The following CAPN6 variants were observed in gnomAD, a reference collection of about 807,000 sequenced individuals.
The protein encoded by CAPN6 is calpain-6.
Under a neutral mutation model 46.0 loss-of-function variants are expected in CAPN6, and 16 were observed. That is an observed-to-expected ratio of 0.35 (90% confidence interval 0.24 to 0.53). The LOEUF (loss-of-function observed/expected upper bound fraction) is 0.53, where lower values mean the gene tolerates loss of function less well. Among genes scored for constraint, CAPN6 ranks in the 20% least tolerant of loss-of-function variants. CAPN6 has a pLI of 0.94. For synonymous variants in CAPN6, 206 were observed against 172.8 expected, an observed-to-expected ratio of 1.19 and a Z score of -1.51; for missense variants, 461 against 498.0, an observed-to-expected ratio of 0.93 and a Z score of 0.71.
At chrX:111,255,652 G>T (rs921011982) in intron 2 of CAPN6, among the ~76,000 whole-genome samples, 1 of 111,752 alleles carries the variant, frequency 8.9e-6, no homozygotes, top group African/African-American at 3.3e-5. Context: ...TTTTTTTAAT[G>T]GCCATAATTC....
Position 111,246,646 on chromosome X carries a change from T to A in CAPN6, c.1857A>T (p.Pro619=). 8.3e-7 allele frequency: 1 copy of A among 1,211,075 alleles called. No homozygotes were observed. Residue 619 remains proline, a synonymous_variant, in exon 13 of 13, where the codon CCA becomes CCT. Transcript: ENST00000324068. ...TGTGGCCTTGCTTGACTTTGGCAGTTGGACCACCCTTCTTACGCAGGTACA... is the reference window on the plus strand; with the variant it reads ...TGTGGCCTTGCTTGACTTTGGCAGTAGGACCACCCTTCTTACGCAGGTACA... The part of the protein sequence containing the change: ...KSLYLRKKGG[P]TAKVKQGHIS...
intron 2 of CAPN6, among the ~76,000 whole-genome samples, chrX:111,258,808 C>A (rs1373973942): frequency 2.7e-5 from 3 of 111,835 alleles, no homozygotes; most frequent in Non-Finnish European, 5.6e-5. Flanking sequence ...GCACAGATCC[C>A]GAACTGCTTT....
chrX:111,268,887 C>T (rs1016036483), intron 1 of CAPN6, among the ~76,000 whole-genome samples: 2 of 112,238 alleles, frequency 1.8e-5, no homozygotes, highest in Middle Eastern at 4.6e-3. Context: ...GACCTCCCAA[C>T]GTTTTTTTTT....
At chrX:111,262,360 T>C (rs1310351866) in intron 2 of CAPN6, among the ~76,000 whole-genome samples, 1 of 112,358 alleles carries the variant, frequency 8.9e-6, no homozygotes, top group Non-Finnish European at 1.9e-5. Flanking sequence ...GTAACCAGTG[T>C]ATCTTGACAC....
chrX:111,247,820 G>C, intron 11 of CAPN6, 51 bp downstream of exon 11: 1 of 1,169,621 alleles, frequency 8.5e-7, no homozygotes. Context: ...TAACTTATGT[G>C]CTATAAATGC....
intron 1 of CAPN6, among the ~76,000 whole-genome samples, chrX:111,269,349 A>AAAT (rs1352419021): frequency 8.9e-6 from 1 of 112,313 alleles, no homozygotes; most frequent in Non-Finnish European, 1.9e-5. Flanking sequence ...AGCAGTCCAC[A>AAAT]AATAATTTTT....
chrX:111,257,117 T>C (rs17885749), intron 2 of CAPN6, among the ~76,000 whole-genome samples: 1 of 111,353 alleles, frequency 9.0e-6, no homozygotes, highest in African/African-American at 3.3e-5. Context: ...TTTTTATTTT[T>C]CAGAACCACA....
At position 111,270,389 on chromosome X, in the gene CAPN6, CCTGCTGCTG is replaced by C. The variant is rs750982720; in HGVS notation, c.-43_-35del. 6.6e-4 allele frequency: 220 copies of C among 332,849 alleles called. 1 individual carries two copies. The highest frequency in any genetic ancestry group is 9.9e-4 in the Non-Finnish European group (168 of 170,182). 27.4% of individuals were successfully genotyped at this position (332,849 alleles called of 1,213,427 possible). Reference sequence around the variant, plus strand: ...TACTCACCTGAGTTATCCCAGGAGCCCTGCTGCTGCTGCTGCTGCTGCTGCTGCTGCTGC... The same window carrying C: ...TACTCACCTGAGTTATCCCAGGAGCCCTGCTGCTGCTGCTGCTGCTGCTGC... On this transcript the variant is annotated 5_prime_UTR_variant, in exon 1 of 13. Coordinates refer to ENST00000324068, the MANE Select transcript of CAPN6 (RefSeq NM_014289.4).
chrX:111,247,618 C>A lies in CAPN6; in HGVS notation c.1607-114G>T, dbSNP rs752528879. The A allele has an allele frequency of 6.9e-4, 541 of 779,301 alleles. 1 individual carries two copies. Among genetic ancestry groups the A allele is most frequent in the Middle Eastern group, 2.5e-3 (6 of 2,408 alleles). 64.2% of individuals were successfully genotyped at this position (779,301 alleles called of 1,213,427 possible). The stretch of plus-strand genomic sequence containing the variant: ...GACTTTCAGCATAGCACTCGAGCAC[C>A]AGAATGACTGAGATTCAACACTTTT... On this transcript the variant is annotated intron_variant, in intron 11 of 12. Transcript: ENST00000324068.
intron 7 of CAPN6, 53 bp from the exon 8 acceptor site, chrX:111,251,156 C>A: frequency 8.3e-7 from 1 of 1,204,393 alleles, no homozygotes; most frequent in East Asian, 3.0e-5. Context: ...ATACTTAACA[C>A]TGTAGTTCCA....
At position 111,251,536 on chromosome X, in the gene CAPN6, G is replaced by A. The variant is rs1180321225; in HGVS notation, c.893+13C>T. The A allele has an allele frequency of 5.1e-6, 6 of 1,184,520 alleles. No individual in the cohort carries two copies. Among genetic ancestry groups the A allele is most frequent in the Non-Finnish European group, 5.7e-6 (5 of 872,334 alleles). Reference sequence around the variant, plus strand: ...CTTTGGAGATGTAGCTGTGAAAGTGGAATGCAACTCACATTTCACTCCAGG... The same window carrying A: ...CTTTGGAGATGTAGCTGTGAAAGTGAAATGCAACTCACATTTCACTCCAGG... On this transcript the variant is annotated intron_variant, in intron 6 of 12. Transcript: ENST00000324068.
intron 5 of CAPN6, among the ~76,000 whole-genome samples, chrX:111,252,009 A>G (rs1053223233): frequency 8.9e-6 from 1 of 112,538 alleles, no homozygotes; most frequent in Non-Finnish European, 1.9e-5. Context: ...AGATTCATTT[A>G]TTGAGCAAGC....
At chrX:111,249,830 A>AGAAG (rs3062792) in intron 8 of CAPN6, among the ~76,000 whole-genome samples, 3,342 of 93,255 alleles carry the variant, frequency 0.036, 210 homozygotes, top group African/African-American at 0.13. Context: ...AATGAAGGAA[A>AGAAG]GAAGGAAGGA....
intron 4 of CAPN6, 93 bp from the exon 5 acceptor site, chrX:111,252,592 C>T: frequency 1.5e-6 from 1 of 686,675 alleles, no homozygotes; most frequent in Non-Finnish European, 2.1e-6. Context: ...CCTGCCTAGA[C>T]TTTACCAGAT....
In CAPN6 at chrX:111,251,007, C is replaced by T; in HGVS notation, c.1068G>A (p.Val356=). The change falls in exon 8 of 13, where the codon GTG becomes GTA. Residue 356 remains valine (V), a synonymous_variant. Coordinates refer to ENST00000324068, the MANE Select transcript of CAPN6 (RefSeq NM_014289.4). The part of the protein sequence containing the change: ...PIFGRKELES[V]LGCWTVDDDP... ...CATCATCCACAGTCCAGCATCCCAA[C>T]ACCGATTCCAGCTCCTTTCGGCCAA... 8.3e-7 allele frequency: 1 copy of T among 1,211,659 alleles called. No individual in the cohort carries two copies. The highest frequency in any genetic ancestry group is 1.1e-6 in the Non-Finnish European group (1 of 895,422).
Position 111,251,236 on chromosome X carries a change from A to C in CAPN6, c.944T>G (p.Leu315Arg). 8.3e-7 allele frequency: 1 copy of C among 1,210,473 alleles called. No individual in the cohort carries two copies. Among genetic ancestry groups the C allele is most frequent in the Non-Finnish European group, 1.1e-6 (1 of 895,184 alleles). The change falls in exon 7 of 13, where the codon CTT becomes CGT. Residue 315 changes from leucine to arginine, a missense_variant. Transcript: ENST00000324068. Reference protein sequence around the residue: ...LTASDRKNLGLVMSDDGEFWM... With the variant: ...LTASDRKNLGRVMSDDGEFWM... ...AAACTCTCCATCATCAGACATAACA[A>C]GCCCCAGGTTCTTGCGATCTGATGC... is the stretch of plus-strand genomic sequence containing the variant.
Position 111,247,923 on chromosome X carries a change from A to G in CAPN6, c.1554T>C (p.Thr518=), listed in dbSNP as rs1569480619. 1 of 1,210,404 alleles carries G rather than the reference A, an allele frequency of 8.3e-7. No homozygotes were observed. Among genetic ancestry groups the G allele is most frequent in the East Asian group, 3.0e-5 (1 of 33,841 alleles). Residue 518 remains threonine, a synonymous_variant, in exon 11 of 13, where the codon ACT becomes ACC. Coordinates refer to ENST00000324068, the MANE Select transcript of CAPN6 (RefSeq NM_014289.4). The part of the protein sequence containing the change: ...NLARGYPKVV[T]QITVHSAEDL... ...CCTCAGCACTGTGAACAGTGATCTG[A>G]GTAACTACTTTCGGGTAGCCACGAG...
chrX:111,254,325 G>T lies in CAPN6; in HGVS notation c.244C>A (p.Pro82Thr). 1 of 1,209,301 alleles carries T rather than the reference G, an allele frequency of 8.3e-7. No individual in the cohort carries two copies. Among genetic ancestry groups the T allele is most frequent in the Non-Finnish European group, 1.1e-6 (1 of 893,671 alleles). The change falls in exon 3 of 13, where the codon CCA becomes ACA. Residue 82 changes from proline (P) to threonine (T), a missense_variant. Transcript: ENST00000324068. ...QLTQGRLGHK[P>T]MVSAFSCLAV... ...AAACAGGAAAATGCAGAAACCATTGGCTTGTGCCCCAGTCTCCCTTGGGTC... is the reference window on the plus strand; with the variant it reads ...AAACAGGAAAATGCAGAAACCATTGTCTTGTGCCCCAGTCTCCCTTGGGTC...
At chrX:111,257,405 A>G (rs978132636) in intron 2 of CAPN6, among the ~76,000 whole-genome samples, 2 of 112,226 alleles carry the variant, frequency 1.8e-5, no homozygotes, top group African/African-American at 6.5e-5. Context: ...ATAAATATGA[A>G]TCAATCTCTT....
Sources: allele counts gnomAD v4.1 joint callset (sites outside exome capture counted in the v4.1 genomes callset), GRCh38; gene constraint gnomAD v4.1.1; transcripts MANE v1.5; gene names NCBI Gene and HGNC (gene_info 2026-07-23, HGNC 2026-07-21).